The following TNC variants were observed in gnomAD, a reference collection of about 807,000 sequenced individuals.
TNC encodes the protein tenascin.
Under a neutral mutation model 202.4 loss-of-function variants are expected in TNC, and 109 were observed. The ratio of observed to expected loss-of-function variants is 0.54; its 90% CI spans 0.46 to 0.63. The LOEUF (loss-of-function observed/expected upper bound fraction) is 0.63, where lower values mean the gene tolerates loss of function less well. Among genes scored for constraint, TNC ranks in the 30% least tolerant of loss-of-function variants. The probability of loss-of-function intolerance (pLI) is 0.00; values close to 1 mark genes in which losing one functional copy is unlikely to be tolerated. For missense variants in TNC, 2,756 were observed against 2,833.3 expected (o/e 0.97, Z 0.62); for synonymous variants, 1,007 against 1,089.7 (o/e 0.92, Z 1.50).
intron 15 of TNC, among the ~76,000 whole-genome samples, chr9:115,054,846 C>T (rs1831981908): frequency 6.6e-6 from 1 of 152,138 alleles, no homozygotes; most frequent in Non-Finnish European, 1.5e-5. Flanking sequence ...AAAGAAGAGC[C>T]TGAGACTTTG....
chr9:115,079,605 G>A (rs1278477679), intron 6 of TNC, among the ~76,000 whole-genome samples: 3 of 152,180 alleles, frequency 2.0e-5, no homozygotes, highest in Non-Finnish European at 4.4e-5. Context: ...ACAATGCTCT[G>A]TATTTATCAG....
At chr9:115,108,125 G>C (rs955939326) in intron 1 of TNC, among the ~76,000 whole-genome samples, 4 of 152,110 alleles carry the variant, frequency 2.6e-5, no homozygotes, top group African/African-American at 9.7e-5. Flanking sequence ...TCTACCTCTA[G>C]AGCTAGGTTT....
intron 24 of TNC, 38 bp downstream of exon 24, chr9:115,030,216 C>G: frequency 6.4e-7 from 1 of 1,571,882 alleles, no homozygotes; most frequent in South Asian, 1.2e-5. Context: ...CCCTCTTCCC[C>G]TAGGCCTGAG....
chr9:115,093,337 A>C (rs1835373875), intron 1 of TNC, among the ~76,000 whole-genome samples: 1 of 152,188 alleles, frequency 6.6e-6, no homozygotes, highest in African/African-American at 2.4e-5. Context: ...AACAACAAAA[A>C]CAAAGAAACA....
intron 1 of TNC, among the ~76,000 whole-genome samples, chr9:115,098,904 A>G (rs1269562284): frequency 2.0e-5 from 3 of 151,024 alleles, no homozygotes; most frequent in Non-Finnish European, 4.4e-5. Context: ...TGTGTCAGGA[A>G]GAGAGAGGAG....
rs571548370 is a variant in TNC at position 115,070,268 on chromosome 9, A to G, written c.3214+3335T>C. Among the ~76,000 whole-genome samples the G allele has an allele frequency of 2.6e-5, 4 of 152,338 alleles. No homozygotes were observed. The South Asian group carries it at 6.2e-4, about 24-fold the overall frequency. ...TCAGAGAAGCCCTCTGTTCTGGGTCATATCTGAGCTGCTGAGTGAAATGAG... is the reference window on the plus strand; with the variant it reads ...TCAGAGAAGCCCTCTGTTCTGGGTCGTATCTGAGCTGCTGAGTGAAATGAG... On this transcript the variant is annotated intron_variant, in intron 10 of 27. Transcript: ENST00000350763.
intron 21 of TNC, 192 bp downstream of exon 21, chr9:115,035,906 G>C (rs1830286576): frequency 3.1e-6 from 2 of 634,920 alleles, no homozygotes; most frequent in Non-Finnish European, 5.2e-6. Flanking sequence ...GGTCATTTCA[G>C]TTCAAAAGGA....
At chr9:115,093,724 C>G (rs1469821120) in intron 1 of TNC, among the ~76,000 whole-genome samples, 1 of 150,984 alleles carries the variant, frequency 6.6e-6, no homozygotes, top group African/African-American at 2.4e-5. Context: ...AAATTTCCAT[C>G]TAAAAAGCCA....
At chr9:115,031,977 CAGGGCTAAGGCTA>C (rs1829983498) in intron 22 of TNC, among the ~76,000 whole-genome samples, 1 of 152,126 alleles carries the variant, frequency 6.6e-6, no homozygotes, top group Admixed American at 6.5e-5. Context: ...CTGTAGACTC[CAGGGCTAAGGCTA>C]CCACCTGCCC....
chr9:115,057,215 A>G lies in TNC; in HGVS notation c.4517T>C (p.Val1506Ala). 3.1e-6 allele frequency: 5 copies of G among 1,614,190 alleles called. No individual in the cohort carries two copies. Among genetic ancestry groups the G allele is most frequent in the Non-Finnish European group, 4.2e-6 (5 of 1,180,030 alleles). ...SGLPPSTDFI[V>A]YLSGLAPSIR... Reference sequence around the variant, plus strand: ...GCTGGGAGCAAGTCCAGAGAGGTAGACAATAAAATCAGTACTAGGGGGTAG... The same window carrying G: ...GCTGGGAGCAAGTCCAGAGAGGTAGGCAATAAAATCAGTACTAGGGGGTAG... The change falls in exon 15 of 28, where the codon GTC becomes GCC. Residue 1506 changes from valine to alanine, a missense_variant. Transcript: ENST00000350763.
At chr9:115,076,364 C>T (rs372211298) in intron 8 of TNC, 26 bp downstream of exon 8, 11 of 1,611,440 alleles carry the variant, frequency 6.8e-6, no homozygotes, top group African/African-American at 2.7e-5. Context: ...CTGGCTGGCT[C>T]AGGCTTGCAG....
At chr9:115,038,463 GGAGTCCT>G in intron 19 of TNC, 83 bp from the exon 20 acceptor site, 1 of 1,536,930 alleles carries the variant, frequency 6.5e-7, no homozygotes, top group Admixed American at 1.8e-5. Flanking sequence ...CACTGCTTAT[GGAGTCCT>G]GATGTTAGGA....
rs142220270 is a variant in TNC, at chr9:115,086,409, T to A, written c.1322A>T (p.Asn441Ile). ...ACAGCGGCCCCGACTGTGACAGTCA[T>A]TGGGGCACCGTAGCTGGCTGCAGTC... is the stretch of plus-strand genomic sequence containing the variant. ...GEDCSQLRCPNDCHSRGRCVE... is the reference protein window; with the variant it reads ...GEDCSQLRCPIDCHSRGRCVE... Residue 441 changes from asparagine (N) to isoleucine (I), a missense_variant, in exon 3 of 28, where the codon AAT becomes ATT. Transcript: ENST00000350763. 5.0e-6 allele frequency: 8 copies of A among 1,613,590 alleles called. No individual in the cohort carries two copies. In the Middle Eastern group the frequency reaches 9.9e-4, roughly 200 times the overall value.
rs773888800 is a variant in TNC, at chr9:115,063,930, T to C, written c.3626A>G (p.Gln1209Arg). The change falls in exon 12 of 28, where the codon CAG becomes CGG. Residue 1209 changes from glutamine to arginine, a missense_variant. Physicochemically the swap from Gln to Arg is conservative, Grantham distance 43 (BLOSUM62 1). Around this residue, in one of 2 missense-constraint regions of TNC, gnomAD observed 2,559 missense variants for 2,546.0 expected, o/e 1.01. Transcript: ENST00000350763. The part of the protein sequence containing the change: ...VQEADTVEAA[Q>R]NLTVPGGLRS... The stretch of plus-strand genomic sequence containing the variant: ...CAGTCCTCCTGGGACGGTGAGGTTC[T>C]GGGCTGCCTCTACTGTGTCAGCCTC... 36 of 1,614,076 alleles carry C rather than the reference T, an allele frequency of 2.2e-5. No homozygotes were observed. The highest frequency in any genetic ancestry group is 3.3e-5 in the Admixed American group (2 of 60,008).
At chr9:115,044,656 A>C (rs1201904773) in intron 17 of TNC, among the ~76,000 whole-genome samples, 2 of 152,220 alleles carry the variant, frequency 1.3e-5, no homozygotes, top group Admixed American at 1.3e-4. Flanking sequence ...TTCGAAGAAC[A>C]CTGTTTATAA....
At chr9:115,062,805 C>T (rs892382756) in intron 13 of TNC, 112 bp downstream of exon 13, 14 of 1,250,060 alleles carry the variant, frequency 1.1e-5, no homozygotes, top group South Asian at 1.5e-5. Flanking sequence ...TAGAGATTCA[C>T]GCTGTCTGTC....
intron 19 of TNC, 35 bp downstream of exon 19, chr9:115,040,906 A>AACACACACAC (rs35141770): frequency 1.6e-4 from 233 of 1,478,144 alleles, no homozygotes; most frequent in African/African-American, 1.0e-3. Context: ...GAAAAATAGT[A>AACACACACAC]ACACACACAC....
At chr9:115,091,356 C>G (rs900176237) in intron 1 of TNC, among the ~76,000 whole-genome samples, 1 of 152,120 alleles carries the variant, frequency 6.6e-6, no homozygotes, top group Non-Finnish European at 1.5e-5. Flanking sequence ...CACTATTCAA[C>G]TTCTGTAAAT....
intron 10 of TNC, among the ~76,000 whole-genome samples, chr9:115,067,948 A>G (rs1833080122): frequency 6.6e-6 from 1 of 152,030 alleles, no homozygotes; most frequent in Admixed American, 6.6e-5. Context: ...AGATCCCTTT[A>G]TTAAATAAAT....
Sources: gnomAD v4.1 joint callset for allele counts (sites outside exome capture counted in the v4.1 genomes callset) on GRCh38, gnomAD v4.1.1 for gene constraint, gnomAD v4.1.1 regional missense constraint, MANE v1.5 for transcripts, NCBI Gene and HGNC (gene_info 2026-07-23, HGNC 2026-07-21) for gene names.